The following ASTN2 variants were observed in gnomAD, a reference collection of about 807,000 sequenced individuals.
The protein encoded by ASTN2 is astrotactin 2.
ASTN2 carries 54 observed loss-of-function variants against 139.8 expected under a neutral mutation model. The observed-to-expected ratio is 0.39, with a 90% CI of 0.31 to 0.48. ASTN2 has a LOEUF of 0.48. Among genes scored for constraint, ASTN2 ranks in the 20% least tolerant of loss-of-function variants. The pLI is 0.95. For missense variants in ASTN2, 1,565 were observed against 1,725.1 expected, an observed-to-expected ratio of 0.91 and a Z score of 1.64; for synonymous variants, 756 against 719.5, an observed-to-expected ratio of 1.05 and a Z score of -0.81.
chr9:117,193,652 A>AG (rs986229645), intron 3 of ASTN2, among the ~76,000 whole-genome samples: 3 of 151,560 alleles, frequency 2.0e-5, no homozygotes, highest in African/African-American at 7.3e-5. Flanking sequence ...AAAAAAAAAA[A>AG]AAAAGAAAAA....
At chr9:116,872,482 T>A (rs546649411) in intron 10 of ASTN2, among the ~76,000 whole-genome samples, 1 of 152,222 alleles carries the variant, frequency 6.6e-6, no homozygotes, top group African/African-American at 2.4e-5. Flanking sequence ...ATTTACTCAG[T>A]TAAAAATGTT....
intron 22 of ASTN2, among the ~76,000 whole-genome samples, chr9:116,433,794 G>A (rs1439682666): frequency 1.3e-5 from 2 of 152,156 alleles, no homozygotes; most frequent in Non-Finnish European, 2.9e-5. Context: ...ACTGCCACTG[G>A]TTATATACCT....
chr9:116,694,949 G>A (rs1860768867), intron 16 of ASTN2, among the ~76,000 whole-genome samples: 1 of 152,138 alleles, frequency 6.6e-6, no homozygotes, highest in Non-Finnish European at 1.5e-5. Flanking sequence ...CTTGCTGTGT[G>A]AGAGTAGGTC....
At chr9:116,660,753 C>T (rs901495227) in intron 16 of ASTN2, among the ~76,000 whole-genome samples, 1 of 152,150 alleles carries the variant, frequency 6.6e-6, no homozygotes, top group Non-Finnish European at 1.5e-5. Context: ...GAATTGAATG[C>T]GTAAGTCCAA....
intron 19 of ASTN2, among the ~76,000 whole-genome samples, chr9:116,531,980 C>A (rs1353606852): frequency 6.6e-6 from 1 of 152,166 alleles, no homozygotes; most frequent in Non-Finnish European, 1.5e-5. Context: ...ACTGTCCCAC[C>A]AACAGTGTAA....
intron 7 of ASTN2, among the ~76,000 whole-genome samples, chr9:117,004,918 T>C (rs759898353): frequency 2.0e-5 from 3 of 152,128 alleles, no homozygotes; most frequent in Non-Finnish European, 4.4e-5. Context: ...ACATCATTTA[T>C]TGAGTATCAA....
intron 5 of ASTN2, among the ~76,000 whole-genome samples, chr9:117,087,578 A>T (rs1345155521): frequency 6.6e-6 from 1 of 152,184 alleles, no homozygotes; most frequent in Middle Eastern, 3.2e-3. Context: ...TACATTAGAA[A>T]GAGGACCTGG....
At chr9:116,793,663 C>G (rs1278541941) in intron 13 of ASTN2, among the ~76,000 whole-genome samples, 1 of 152,166 alleles carries the variant, frequency 6.6e-6, no homozygotes, top group Admixed American at 6.5e-5. Flanking sequence ...CCAGAAAAAA[C>G]AGAATCTTAA....
intron 2 of ASTN2, among the ~76,000 whole-genome samples, chr9:117,262,279 C>G (rs948973842): frequency 6.6e-6 from 1 of 152,094 alleles, no homozygotes; most frequent in African/African-American, 2.4e-5. Context: ...TAGGCAGAGC[C>G]ATAAGATACG....
chr9:116,634,038 C>T (rs1856938155), intron 17 of ASTN2, among the ~76,000 whole-genome samples: 1 of 152,126 alleles, frequency 6.6e-6, no homozygotes, highest in Non-Finnish European at 1.5e-5. Context: ...GTCACTGGAA[C>T]CAGACTCCTG....
At chr9:116,989,305 G>A (rs1465847727) in intron 7 of ASTN2, among the ~76,000 whole-genome samples, 2 of 152,190 alleles carry the variant, frequency 1.3e-5, no homozygotes, top group Non-Finnish European at 2.9e-5. Context: ...TCCAGAAGGG[G>A]TCAGAGAGGA....
chr9:116,875,497 T>G (rs756303440), intron 10 of ASTN2, among the ~76,000 whole-genome samples: 4 of 152,230 alleles, frequency 2.6e-5, no homozygotes, highest in Non-Finnish European at 5.9e-5. Context: ...AAGCAGCAAG[T>G]GCTGATATAT....
intron 10 of ASTN2, among the ~76,000 whole-genome samples, chr9:116,939,002 C>T (rs1194175903): frequency 1.3e-5 from 2 of 152,178 alleles, no homozygotes; most frequent in African/African-American, 2.4e-5. Flanking sequence ...AGGGTACCCA[C>T]TCTGTTATAA....
intron 19 of ASTN2, chr9:116,546,131 T>G (rs1852080889): frequency 6.6e-6 from 1 of 152,336 alleles, no homozygotes; most frequent in African/African-American, 2.4e-5. Context: ...CTGAGTCTTC[T>G]GATCCAAAGG....
At chr9:117,365,162 C>CAAACAA (rs1245133202) in intron 1 of ASTN2, among the ~76,000 whole-genome samples, 2 of 130,400 alleles carry the variant, frequency 1.5e-5, no homozygotes, top group Non-Finnish European at 3.3e-5. Flanking sequence ...CAAAAACAAA[C>CAAACAA]AAACAAAAAC....
At chr9:116,590,753 C>T (rs979207440) in intron 19 of ASTN2, among the ~76,000 whole-genome samples, 6 of 152,276 alleles carry the variant, frequency 3.9e-5, no homozygotes, top group South Asian at 2.1e-4. Flanking sequence ...ATAAAAACTC[C>T]GGACTCAGCC....
At chr9:116,916,888 T>C (rs1834465200) in intron 10 of ASTN2, among the ~76,000 whole-genome samples, 1 of 152,124 alleles carries the variant, frequency 6.6e-6, no homozygotes, top group African/African-American at 2.4e-5. Flanking sequence ...TGGTCTTCCC[T>C]TTCTCACTTC....
At chr9:117,161,500 T>C (rs1397023403) in intron 3 of ASTN2, among the ~76,000 whole-genome samples, 5 of 152,150 alleles carry the variant, frequency 3.3e-5, no homozygotes, top group African/African-American at 1.2e-4. Context: ...TTCAAGCAAT[T>C]CTCCTGCCTC....
intron 17 of ASTN2, among the ~76,000 whole-genome samples, chr9:116,638,548 A>G (rs78246677): frequency 0.29 from 43,852 of 150,944 alleles, 7,247 homozygotes; most frequent in Admixed American, 0.43. Flanking sequence ...AAAAAAAACC[A>G]TCAAGCCCGA....
Sources: allele counts gnomAD v4.1 joint callset (sites outside exome capture counted in the v4.1 genomes callset), GRCh38; gene constraint gnomAD v4.1.1; transcripts MANE v1.5; gene names NCBI Gene and HGNC (gene_info 2026-07-23, HGNC 2026-07-21).